The following CDH4 variants were observed in gnomAD, a reference collection of about 807,000 sequenced individuals.
CDH4 encodes cadherin 4, also known as cadherin-4.
Under a neutral mutation model 86.0 loss-of-function variants are expected in CDH4, and 33 were observed. The observed-to-expected ratio is 0.38, with a 90% CI of 0.29 to 0.51. The LOEUF (loss-of-function observed/expected upper bound fraction) is 0.51. Ranked by LOEUF, CDH4 falls within the 20% of genes least tolerant of loss-of-function variation. The pLI is 0.86. For missense variants in CDH4, 1,114 were observed against 1,307.4 expected, an observed-to-expected ratio of 0.85 and a Z score of 2.28; for synonymous variants, 555 against 549.4, an observed-to-expected ratio of 1.01 and a Z score of -0.14.
At position 61,829,733 on chromosome 20, in the gene CDH4, G is replaced by A. The variant is rs1298671945; in HGVS notation, c.577-14935G>A. Among the ~76,000 whole-genome samples, 1 of 152,174 alleles carries A rather than the reference G, an allele frequency of 6.6e-6. No homozygotes were observed. The highest frequency in any genetic ancestry group is 2.4e-5 in the African/African-American group (1 of 41,436). ...GTGCCGACGCCCGTGGGCTGCAGAC[G>A]GGTGGGTGACTGTGGGACCCTTGCT... On this transcript the variant is annotated intron_variant, in intron 4 of 15. Transcript: ENST00000614565. The surrounding 1 kb of genome is among the most constrained non-coding windows in gnomAD (Gnocchi z 4.2).
At chr20:61,600,272 C>T (rs779648412) in intron 2 of CDH4, among the ~76,000 whole-genome samples, 3 of 152,204 alleles carry the variant, frequency 2.0e-5, no homozygotes, top group Admixed American at 6.5e-5. Context: ...ACCTGGATTC[C>T]GGGATTCCTT....
At chr20:61,339,930 A>G (rs1377349184) in intron 2 of CDH4, among the ~76,000 whole-genome samples, 2 of 152,196 alleles carry the variant, frequency 1.3e-5, no homozygotes, top group Non-Finnish European at 2.9e-5. Context: ...AATTAGTCCC[A>G]CCTCTAAAGA....
intron 2 of CDH4, among the ~76,000 whole-genome samples, chr20:61,421,675 C>T (rs1187517481): frequency 6.6e-6 from 1 of 152,154 alleles, no homozygotes; most frequent in East Asian, 1.9e-4. Flanking sequence ...AACTGTGCTT[C>T]CTTGACATTT....
Position 61,466,401 on chromosome 20 carries a change from C to T in CDH4, c.169+211464C>T, listed in dbSNP as rs537824113. On this transcript the variant is annotated intron_variant, in intron 2 of 15. Transcript: ENST00000614565. ...GGCTGGACCCCCATTGTAATAAGAT[C>T]GTGCATAGCAGGTGCATCATATGAC... 1.2e-4 allele frequency among the ~76,000 whole-genome samples: 19 copies of T among 152,250 alleles called. No homozygotes were observed. The South Asian group carries it at 2.3e-3, about 18-fold the overall frequency.
chr20:61,776,150 ACAT>A lies in CDH4; in HGVS notation c.576+2975_576+2977del, dbSNP rs199548625. 9.7e-3 allele frequency among the ~76,000 whole-genome samples: 1,471 copies of A among 152,308 alleles called. 27 individuals are homozygous for A. The highest frequency in any genetic ancestry group is 0.033 in the African/African-American group (1,380 of 41,574). ...GTTGATGAGAACGTTTCTCCGGAAG[ACAT>A]CATCATGAGAGCCCACCTTACGCCA... On this transcript the variant is annotated intron_variant, in intron 4 of 15. Coordinates refer to ENST00000614565, the MANE Select transcript of CDH4 (RefSeq NM_001794.5).
chr20:61,858,716 TGGATGTACAGCCA>T (rs1490814983), intron 6 of CDH4, among the ~76,000 whole-genome samples: 1 of 152,232 alleles, frequency 6.6e-6, no homozygotes, highest in Non-Finnish European at 1.5e-5. Context: ...CATCGTTCTC[TGGATGTACAGCCA>T]GGTCGTATCC....
chr20:61,344,384 T>G (rs1002419275), intron 2 of CDH4, among the ~76,000 whole-genome samples: 4 of 152,240 alleles, frequency 2.6e-5, no homozygotes, highest in African/African-American at 9.6e-5. Context: ...TGTCAGGCTT[T>G]TCTGTTTATT....
At chr20:61,648,870 G>A (rs191752815) in intron 2 of CDH4, among the ~76,000 whole-genome samples, 15 of 152,288 alleles carry the variant, frequency 9.8e-5, no homozygotes, top group Admixed American at 7.8e-4. Flanking sequence ...GCTGACTACA[G>A]GTTTGCAGGA....
chr20:61,639,031 C>T (rs2086977845), intron 2 of CDH4, among the ~76,000 whole-genome samples: 1 of 152,224 alleles, frequency 6.6e-6, no homozygotes, highest in Admixed American at 6.5e-5. Context: ...ATGTCAGTCC[C>T]TGTTATTACT....
intron 2 of CDH4, among the ~76,000 whole-genome samples, chr20:61,349,219 C>T (rs1568808204): frequency 6.6e-6 from 1 of 152,196 alleles, no homozygotes; most frequent in East Asian, 1.9e-4. Flanking sequence ...AGCGGGGACC[C>T]TGCAGGGCCA....
chr20:61,855,592 C>A (rs944856463), intron 6 of CDH4, among the ~76,000 whole-genome samples: 3 of 152,220 alleles, frequency 2.0e-5, no homozygotes, highest in Non-Finnish European at 4.4e-5. Flanking sequence ...CCTGGCCTTT[C>A]TATCACAAAT....
intron 2 of CDH4, among the ~76,000 whole-genome samples, chr20:61,644,712 G>C (rs2087044187): frequency 1.3e-5 from 2 of 152,186 alleles, no homozygotes; most frequent in Admixed American, 1.3e-4. Context: ...CCGTCTATGT[G>C]GTGGGGCTCT....
intron 2 of CDH4, among the ~76,000 whole-genome samples, chr20:61,530,937 G>C (rs911453388): frequency 5.3e-5 from 8 of 152,174 alleles, no homozygotes; most frequent in South Asian, 4.1e-4. Context: ...CCGAGGCCCT[G>C]GCTGTCAGGA....
At chr20:61,365,737 A>G (rs2084808046) in intron 2 of CDH4, among the ~76,000 whole-genome samples, 1 of 152,116 alleles carries the variant, frequency 6.6e-6, no homozygotes, top group Admixed American at 6.5e-5. Context: ...TGGGGCTGCA[A>G]TGGGGCGTGC....
At chr20:61,365,456 T>A (rs2084806550) in intron 2 of CDH4, among the ~76,000 whole-genome samples, 2 of 151,892 alleles carry the variant, frequency 1.3e-5, no homozygotes, top group Admixed American at 1.3e-4. Flanking sequence ...TGATGAGTGC[T>A]GGGGTATGAG....
At chr20:61,618,220 C>T (rs2086741578) in intron 2 of CDH4, among the ~76,000 whole-genome samples, 1 of 152,016 alleles carries the variant, frequency 6.6e-6, no homozygotes, top group Non-Finnish European at 1.5e-5. Context: ...TTCTTGTTTT[C>T]CGGAGCCAGT....
chr20:61,915,442 G>A (rs1568885241), intron 9 of CDH4, among the ~76,000 whole-genome samples: 2 of 152,340 alleles, frequency 1.3e-5, no homozygotes, highest in Admixed American at 6.5e-5. Flanking sequence ...AGGGGTCCAA[G>A]GCCTCCTGAG....
chr20:61,446,714 G>A (rs1477836328), intron 2 of CDH4, among the ~76,000 whole-genome samples: 1 of 152,184 alleles, frequency 6.6e-6, no homozygotes, highest in East Asian at 1.9e-4. Context: ...TTGCTGGTCT[G>A]CCCGAAGAAA....
Position 61,561,780 on chromosome 20 carries a change from T to G in CDH4, c.170-181783T>G, listed in dbSNP as rs188021411. ...CTATCTCGCCCTTTACAGAAAACAT[T>G]TCTGACCCCTGCTTTAGGAACATGG... On this transcript the variant is annotated intron_variant, in intron 2 of 15. Coordinates refer to ENST00000614565, the MANE Select transcript of CDH4 (RefSeq NM_001794.5). Among the ~76,000 whole-genome samples the G allele has an allele frequency of 9.5e-4, 145 of 152,332 alleles. 1 individual carries two copies. Among genetic ancestry groups the G allele is most frequent in the African/African-American group, 3.3e-3 (136 of 41,572 alleles).
Sources: allele counts gnomAD v4.1 joint callset (sites outside exome capture counted in the v4.1 genomes callset), GRCh38; gene constraint gnomAD v4.1.1; non-coding constraint Gnocchi (gnomAD v3.1); transcripts MANE v1.5; gene names NCBI Gene and HGNC (gene_info 2026-07-23, HGNC 2026-07-21).